Variants in SCIMP observed in about 807,000 individuals in gnomAD.
SCIMP encodes the protein SLP adapter and CSK-interacting membrane protein.
SCIMP carries 18 observed loss-of-function variants against 22.0 expected under a neutral mutation model. The observed-to-expected ratio is 0.82, with a 90% confidence interval of 0.56 to 1.21. The LOEUF (loss-of-function observed/expected upper bound fraction) is 1.21, where lower values mean the gene tolerates loss of function less well. Among genes scored for constraint, SCIMP ranks in the 50% most tolerant of loss-of-function variants. SCIMP has a pLI of 0.00. For synonymous variants in SCIMP, 53 were observed against 62.2 expected (o/e 0.85, Z 0.70); for missense variants, 155 against 171.2 (o/e 0.91, Z 0.53).
chr17:5,219,144 C>A (rs1199325215), intron 3 of SCIMP, among the ~76,000 whole-genome samples: 2 of 150,628 alleles, frequency 1.3e-5, no homozygotes, highest in East Asian at 3.9e-4. Flanking sequence ...ATAGCGAAAC[C>A]CCGTCTCTAC....
intron 1 of SCIMP, among the ~76,000 whole-genome samples, chr17:5,225,327 T>C (rs2074639190): frequency 6.6e-6 from 1 of 151,848 alleles, no homozygotes; most frequent in African/African-American, 2.4e-5. Context: ...TAGCTGGGTG[T>C]GGTGGCACAT....
chr17:5,215,191 C>G lies in SCIMP; in HGVS notation c.210-193G>C, dbSNP rs1197104291. ...ATTGGCACCCTAATGAAACCGTTTT[C>G]TGTAGCCCTGGAAATGGCTGAAAAT... On this transcript the variant is annotated intron_variant, in intron 3 of 4. Coordinates refer to ENST00000574081, the MANE Select transcript of SCIMP (RefSeq NM_207103.3). 5 of 530,710 alleles carry G rather than the reference C, an allele frequency of 9.4e-6. No individual in the cohort carries two copies. In the Admixed American group the frequency reaches 9.8e-5, roughly 10 times the overall value. The allele number at this position is 530,710 out of a possible 1,614,324, so 32.9% of individuals were successfully genotyped here. A position where few individuals can be genotyped will look rare whatever the true frequency, so the allele number is the denominator to read the frequency against.
intron 3 of SCIMP, among the ~76,000 whole-genome samples, chr17:5,220,461 G>C (rs1388850755): frequency 1.3e-5 from 2 of 150,394 alleles, no homozygotes; most frequent in African/African-American, 2.4e-5. Flanking sequence ...AAAAGAGGCT[G>C]GGTGCAGTGG....
At chr17:5,224,986 C>T (rs1254061706) in intron 1 of SCIMP, among the ~76,000 whole-genome samples, 3 of 152,072 alleles carry the variant, frequency 2.0e-5, no homozygotes, top group African/African-American at 7.2e-5. Context: ...GGGAAAGTCT[C>T]GGAAAAGGTT....
chr17:5,234,645 G>T, intron 1 of SCIMP, 90 bp downstream of exon 1: 3 of 1,379,866 alleles, frequency 2.2e-6, no homozygotes, highest in South Asian at 2.4e-5. Context: ...CTGATCGGTG[G>T]CTCCCAGGGA....
intron 1 of SCIMP, 123 bp from the exon 2 acceptor site, chr17:5,223,579 G>C: frequency 1.0e-6 from 1 of 955,026 alleles, no homozygotes; most frequent in South Asian, 1.4e-5. Context: ...GTCTCACTCT[G>C]TCGCCCAGGC....
intron 1 of SCIMP, among the ~76,000 whole-genome samples, chr17:5,227,216 G>A (rs1353603340): frequency 6.6e-6 from 1 of 151,738 alleles, no homozygotes; most frequent in Non-Finnish European, 1.5e-5. Flanking sequence ...CAAGGCAGGC[G>A]GATCACTTGA....
chr17:5,232,038 A>G (rs2074701290), intron 1 of SCIMP, among the ~76,000 whole-genome samples: 2 of 150,724 alleles, frequency 1.3e-5, no homozygotes, highest in African/African-American at 4.9e-5. Context: ...CCTGGGCGAC[A>G]GAGCGAGACT....
intron 1 of SCIMP, chr17:5,233,882 G>C (rs548702544): frequency 7.9e-5 from 12 of 152,262 alleles, no homozygotes; most frequent in African/African-American, 2.9e-4. Context: ...CTTTGATCTC[G>C]AGGCCTCTGG....
chr17:5,225,810 C>T (rs929282360), intron 1 of SCIMP, among the ~76,000 whole-genome samples: 2 of 151,520 alleles, frequency 1.3e-5, no homozygotes, highest in African/African-American at 4.8e-5. Flanking sequence ...GTGAGAACCC[C>T]AACTTGAAGC....
At chr17:5,218,638 C>T (rs1217951561) in intron 3 of SCIMP, among the ~76,000 whole-genome samples, 7 of 152,078 alleles carry the variant, frequency 4.6e-5, no homozygotes, top group Admixed American at 4.6e-4. Flanking sequence ...TGCACCTGGC[C>T]CCAGTTTTAT....
chr17:5,234,700 C>T, intron 1 of SCIMP, 35 bp downstream of exon 1: 1 of 1,608,438 alleles, frequency 6.2e-7, no homozygotes. Context: ...GTGAAGAGAG[C>T]AGGAAACTGT....
chr17:5,234,147 T>C (rs901445905), intron 1 of SCIMP, among the ~76,000 whole-genome samples: 2 of 152,020 alleles, frequency 1.3e-5, no homozygotes, highest in Non-Finnish European at 2.9e-5. Context: ...GGCGGGTGCC[T>C]GTAATCCCAG....
intron 1 of SCIMP, among the ~76,000 whole-genome samples, chr17:5,228,333 C>T (rs935143777): frequency 1.9e-5 from 2 of 104,272 alleles, no homozygotes; most frequent in Non-Finnish European, 3.7e-5. Context: ...GTGACAGAGC[C>T]AAATCTTGTC....
chr17:5,222,898 C>G (rs754226885), intron 2 of SCIMP, among the ~76,000 whole-genome samples: 1 of 152,126 alleles, frequency 6.6e-6, no homozygotes, highest in Non-Finnish European at 1.5e-5. Flanking sequence ...CTCCTGACCT[C>G]AGAGGATCCC....
intron 1 of SCIMP, chr17:5,223,748 C>T: frequency 1.1e-5 from 4 of 354,410 alleles, no homozygotes; most frequent in South Asian, 2.3e-5. Context: ...TGGGGTTTCG[C>T]CACGTTGGCC....
intron 3 of SCIMP, among the ~76,000 whole-genome samples, chr17:5,216,690 A>G (rs1567838713): frequency 6.6e-6 from 1 of 152,098 alleles, no homozygotes; most frequent in Admixed American, 6.6e-5. Flanking sequence ...AAAAAACAAA[A>G]AAAACCCAAA....
chr17:5,220,242 C>T (rs550927919), intron 3 of SCIMP, among the ~76,000 whole-genome samples: 1 of 152,130 alleles, frequency 6.6e-6, no homozygotes, highest in East Asian at 1.9e-4. Flanking sequence ...ATAGACTGGG[C>T]GCTGGGCCCA....
intron 1 of SCIMP, among the ~76,000 whole-genome samples, chr17:5,225,690 A>G (rs2074642444): frequency 6.6e-6 from 1 of 151,120 alleles, no homozygotes; most frequent in African/African-American, 2.4e-5. Context: ...TGAACCTGGG[A>G]GTCAGAGGTT....
Sources: gnomAD v4.1 joint callset for allele counts (sites outside exome capture counted in the v4.1 genomes callset) on GRCh38, gnomAD v4.1.1 for gene constraint, MANE v1.5 for transcripts, NCBI Gene and HGNC (gene_info 2026-07-23, HGNC 2026-07-21) for gene names.